ZFAND3: variants seen among roughly 807,000 people sequenced by gnomAD.
ZFAND3 encodes zinc finger AN1-type containing 3.
In ZFAND3, 10 loss-of-function variants were observed where a neutral mutation model predicts 29.6. That is an observed-to-expected ratio of 0.34 (90% CI 0.21 to 0.57). The LOEUF (loss-of-function observed/expected upper bound fraction) is 0.57, where lower values mean the gene tolerates loss of function less well. Among genes scored for constraint, ZFAND3 ranks in the 20% least tolerant of loss-of-function variants. ZFAND3 has a pLI of 0.86. For synonymous variants in ZFAND3, 128 were observed against 112.6 expected (o/e 1.14, Z -0.87); for missense variants, 230 against 304.5 (o/e 0.76, Z 1.82).
intron 2 of ZFAND3, among the ~76,000 whole-genome samples, chr6:37,939,152 A>C (rs897050292): frequency 2.0e-5 from 3 of 152,132 alleles, no homozygotes; most frequent in East Asian, 3.9e-4. Flanking sequence ...ATTGCCATAC[A>C]CTTGGTGGTT....
In ZFAND3 at chr6:38,144,217, TAA is replaced by T. The variant is rs1562016128; in HGVS notation, c.530-8017_530-8016del. Among the ~76,000 whole-genome samples, 14 of 98,306 alleles carry T rather than the reference TAA, an allele frequency of 1.4e-4. No individual in the cohort carries two copies. In the South Asian group the frequency reaches 1.8e-3, roughly 13 times the overall value. 64.5% of individuals were successfully genotyped at this position (98,306 alleles called of 152,430 possible). ...TATATATATATATATATATAATATA[TAA>T]TATATATATATATTTTTTTTTTAAT... On this transcript the variant is annotated intron_variant, in intron 5 of 5. Transcript: ENST00000287218.
At chr6:38,066,356 A>G (rs1040248999) in intron 3 of ZFAND3, among the ~76,000 whole-genome samples, 1 of 152,212 alleles carries the variant, frequency 6.6e-6, no homozygotes, top group African/African-American at 2.4e-5. Context: ...TACCAAGGTG[A>G]CAAAGGATGG....
chr6:37,985,505 A>ACACG (rs1762652939), intron 2 of ZFAND3, among the ~76,000 whole-genome samples: 1 of 148,634 alleles, frequency 6.7e-6, no homozygotes. Flanking sequence ...GGTTCCACAC[A>ACACG]CACACACACA....
chr6:37,823,013 T>A (rs1341871278), intron 1 of ZFAND3, among the ~76,000 whole-genome samples: 1 of 152,098 alleles, frequency 6.6e-6, no homozygotes, highest in East Asian at 1.9e-4. Context: ...TTATCCTGAG[T>A]GCAGTGAGGA....
chr6:37,878,124 A>G (rs948095253), intron 1 of ZFAND3, among the ~76,000 whole-genome samples: 3 of 152,158 alleles, frequency 2.0e-5, no homozygotes, highest in Non-Finnish European at 2.9e-5. Flanking sequence ...ACAAATGTGG[A>G]CAGCCTGTGA....
intron 5 of ZFAND3, among the ~76,000 whole-genome samples, chr6:38,135,669 T>G (rs1160515867): frequency 6.6e-6 from 1 of 152,072 alleles, no homozygotes; most frequent in Non-Finnish European, 1.5e-5. Flanking sequence ...CGCTGGAATC[T>G]GGGAGTTGGA....
intron 2 of ZFAND3, among the ~76,000 whole-genome samples, chr6:37,953,346 T>G (rs1161177637): frequency 6.6e-6 from 1 of 152,092 alleles, no homozygotes; most frequent in Non-Finnish European, 1.5e-5. Context: ...TCTATTACTT[T>G]ATATGTGGTA....
chr6:38,114,111 G>A (rs1765371534), intron 4 of ZFAND3, among the ~76,000 whole-genome samples: 1 of 152,126 alleles, frequency 6.6e-6, no homozygotes, highest in Non-Finnish European at 1.5e-5. Context: ...GCCTCCCAGT[G>A]GGAGTAATTT....
intron 2 of ZFAND3, among the ~76,000 whole-genome samples, chr6:37,971,851 AT>A (rs1253631725): frequency 1.8e-4 from 25 of 138,782 alleles, no homozygotes; most frequent in African/African-American, 6.3e-4. Flanking sequence ...AAAAAAAAAA[AT>A]TAGCCCAGTA....
chr6:38,006,873 T>C (rs1008468831), intron 2 of ZFAND3, among the ~76,000 whole-genome samples: 4 of 152,048 alleles, frequency 2.6e-5, no homozygotes, highest in African/African-American at 9.6e-5. Flanking sequence ...AAGTCACAAC[T>C]TGGGGATTGA....
intron 5 of ZFAND3, among the ~76,000 whole-genome samples, chr6:38,120,202 A>C (rs1370106642): frequency 6.6e-6 from 1 of 151,724 alleles, no homozygotes; most frequent in Non-Finnish European, 1.5e-5. Context: ...TCCTGAATTG[A>C]CACCTAGAGG....
At chr6:38,146,977 G>A (rs544313983) in intron 5 of ZFAND3, among the ~76,000 whole-genome samples, 76 of 152,268 alleles carry the variant, frequency 5.0e-4, no homozygotes, top group African/African-American at 1.6e-3. Context: ...GAGAAATTCT[G>A]TTACATGTAT....
At chr6:37,978,960 T>C (rs1053279021) in intron 2 of ZFAND3, among the ~76,000 whole-genome samples, 1 of 152,134 alleles carries the variant, frequency 6.6e-6, no homozygotes, top group Non-Finnish European at 1.5e-5. Flanking sequence ...TTGTGTCTTT[T>C]TTTTTTTTCT....
intron 5 of ZFAND3, among the ~76,000 whole-genome samples, chr6:38,123,398 G>A (rs1416906977): frequency 6.6e-6 from 1 of 152,204 alleles, no homozygotes; most frequent in Non-Finnish European, 1.5e-5. Flanking sequence ...GTGTAAACCT[G>A]TCAGGAACAT....
chr6:37,974,237 A>AT (rs975148101), intron 2 of ZFAND3, among the ~76,000 whole-genome samples: 8 of 151,712 alleles, frequency 5.3e-5, no homozygotes, highest in Admixed American at 2.0e-4. Flanking sequence ...TAATTTTTGT[A>AT]TTTTTTAGTA....
chr6:38,020,355 AT>A (rs888651813), intron 2 of ZFAND3, among the ~76,000 whole-genome samples: 7 of 151,914 alleles, frequency 4.6e-5, no homozygotes, highest in African/African-American at 7.2e-5. Flanking sequence ...ATAATTAAAA[AT>A]TTTTTTTTAA....
intron 2 of ZFAND3, among the ~76,000 whole-genome samples, chr6:37,981,091 A>G (rs1484710873): frequency 6.6e-6 from 1 of 152,248 alleles, no homozygotes; most frequent in Non-Finnish European, 1.5e-5. Context: ...TAAAAGGGAA[A>G]TGAGGAATCA....
chr6:38,133,411 T>C (rs1765779752), intron 5 of ZFAND3, among the ~76,000 whole-genome samples: 1 of 152,180 alleles, frequency 6.6e-6, no homozygotes, highest in African/African-American at 2.4e-5. Context: ...AGCTAGTATA[T>C]CCTGGGTACC....
chr6:38,051,565 A>G (rs530938804), intron 2 of ZFAND3, among the ~76,000 whole-genome samples: 5 of 152,348 alleles, frequency 3.3e-5, no homozygotes, highest in South Asian at 2.1e-4. Context: ...CCAAGGATCA[A>G]CTGTAAACAA....
Sources: allele counts gnomAD v4.1 joint callset (sites outside exome capture counted in the v4.1 genomes callset), GRCh38; gene constraint gnomAD v4.1.1; transcripts MANE v1.5; gene names NCBI Gene and HGNC (gene_info 2026-07-23, HGNC 2026-07-21).